MYO9B: variants seen among roughly 807,000 people sequenced by gnomAD.
MYO9B encodes unconventional myosin-IXb.
In MYO9B, 71 loss-of-function variants were observed where a neutral mutation model predicts 229.5. The observed-to-expected ratio is 0.31, with a 90% CI of 0.26 to 0.38. The LOEUF is 0.38. Among genes scored for constraint, MYO9B ranks in the 10% least tolerant of loss-of-function variants. MYO9B has a pLI of 1.00. For missense variants in MYO9B, 2,255 were observed against 2,920.5 expected (o/e 0.77, Z 5.25); for synonymous variants, 1,185 against 1,235.8 (o/e 0.96, Z 0.86).
rs749822478 is a variant in MYO9B at position 17,209,726 on chromosome 19, G to C, written c.5748+17G>C. ...CAAAATGCTGTGAGTACCGGTGATC[G>C]TGGGGGCGGGACCTCTTTGGTGGGG... On this transcript the variant is annotated intron_variant, in intron 36 of 39. Coordinates refer to ENST00000682292, the MANE Select transcript of MYO9B (RefSeq NM_004145.4). 8.7e-6 allele frequency: 14 copies of C among 1,612,928 alleles called. No homozygotes were observed. The East Asian group carries it at 3.1e-4, about 36-fold the overall frequency.
At chr19:17,084,207 A>C (rs541915900) in intron 1 of MYO9B, among the ~76,000 whole-genome samples, 1 of 152,036 alleles carries the variant, frequency 6.6e-6, no homozygotes, top group Admixed American at 6.5e-5. Context: ...GTATGTTGAC[A>C]CATGCCTGTG....
At position 17,118,067 on chromosome 19, in the gene MYO9B, T is replaced by C. The variant is rs141139949; in HGVS notation, c.840+15510T>C. 1.6e-4 allele frequency among the ~76,000 whole-genome samples: 25 copies of C among 152,150 alleles called. No individual in the cohort carries two copies. In the East Asian group the frequency reaches 4.6e-3, roughly 28 times the overall value. On this transcript the variant is annotated intron_variant, in intron 2 of 39. Transcript: ENST00000682292. ...GGCAACTGCTGGAGACATTTTTGGT[T>C]ATCATAGCTGGGGAGGGAGAGATGC...
chr19:17,153,553 G>A (rs1433024278), intron 4 of MYO9B, among the ~76,000 whole-genome samples: 4 of 151,372 alleles, frequency 2.6e-5, no homozygotes, highest in Non-Finnish European at 5.9e-5. Context: ...AAAATTAGCT[G>A]GGCATGGTGA....
chr19:17,170,050 T>C (rs1568283339), intron 11 of MYO9B, among the ~76,000 whole-genome samples: 1 of 151,792 alleles, frequency 6.6e-6, no homozygotes, highest in Non-Finnish European at 1.5e-5. Context: ...TTCACCATGT[T>C]GGCCAGGCTG....
chr19:17,143,688 C>T (rs530580139), intron 2 of MYO9B, among the ~76,000 whole-genome samples: 13 of 151,800 alleles, frequency 8.6e-5, no homozygotes, highest in African/African-American at 2.4e-4. Flanking sequence ...TTTGAGAGGC[C>T]GGGGCGGGCA....
chr19:17,112,473 G>A (rs890071311), intron 2 of MYO9B, among the ~76,000 whole-genome samples: 4 of 152,210 alleles, frequency 2.6e-5, no homozygotes, highest in Non-Finnish European at 4.4e-5. Context: ...CCCTGGACTC[G>A]GGCAGGAGCG....
intron 22 of MYO9B, among the ~76,000 whole-genome samples, chr19:17,196,400 A>G (rs2073044007): frequency 6.6e-6 from 1 of 151,992 alleles, no homozygotes. Context: ...TGGATAGAAG[A>G]TGGGTAGAAA....
chr19:17,206,250 C>T lies in MYO9B; in HGVS notation c.5260C>T (p.Pro1754Ser). ...RELRQALQTD[P>S]AAVKLENFPI... ...GACCCACCCCACCCACCCCACAGAC[C>T]CCGCAGCAGTCAAGCTGGAGAACTT... Residue 1754 changes from proline (P) to serine (S), a missense_variant and splice_region_variant, in exon 33 of 40, where the codon CCC becomes TCC. Around this residue, in one of 7 missense-constraint regions of MYO9B, gnomAD observed 416 missense variants for 605.5 expected, o/e 0.69. Transcript: ENST00000682292. 1 of 1,571,596 alleles carries T rather than the reference C, an allele frequency of 6.4e-7. No homozygotes were observed. The highest frequency in any genetic ancestry group is 8.6e-7 in the Non-Finnish European group (1 of 1,161,948).
intron 11 of MYO9B, among the ~76,000 whole-genome samples, chr19:17,171,484 T>A (rs2072724401): frequency 6.6e-6 from 1 of 152,120 alleles, no homozygotes; most frequent in African/African-American, 2.4e-5. Flanking sequence ...AGGCCCAGGA[T>A]TATTCTTAGG....
intron 1 of MYO9B, among the ~76,000 whole-genome samples, chr19:17,095,246 A>T (rs2057676395): frequency 6.6e-6 from 1 of 152,252 alleles, no homozygotes; most frequent in African/African-American, 2.4e-5. Context: ...AGAAAAAAAA[A>T]TTAAGTGTGC....
chr19:17,201,576 G>A (rs2073106476), intron 26 of MYO9B, among the ~76,000 whole-genome samples: 1 of 152,106 alleles, frequency 6.6e-6, no homozygotes, highest in Admixed American at 6.6e-5. Context: ...CTCATCTAGG[G>A]GGGATTCTGT....
chr19:17,122,222 G>A (rs906639975), intron 2 of MYO9B, among the ~76,000 whole-genome samples: 7 of 152,184 alleles, frequency 4.6e-5, no homozygotes, highest in African/African-American at 1.7e-4. Context: ...TGCAAAAGAT[G>A]CATTATTTCA....
At chr19:17,127,788 G>A (rs2072143532) in intron 2 of MYO9B, among the ~76,000 whole-genome samples, 1 of 152,222 alleles carries the variant, frequency 6.6e-6, no homozygotes, top group Non-Finnish European at 1.5e-5. Context: ...GTCTGTGACC[G>A]CTTTCCTGCC....
intron 2 of MYO9B, among the ~76,000 whole-genome samples, chr19:17,141,799 C>T (rs996981598): frequency 6.6e-6 from 1 of 152,166 alleles, no homozygotes; most frequent in Non-Finnish European, 1.5e-5. Context: ...CAGAGGGGAC[C>T]CCTGCACACT....
chr19:17,136,158 G>A (rs2072266939), intron 2 of MYO9B, among the ~76,000 whole-genome samples: 1 of 152,268 alleles, frequency 6.6e-6, no homozygotes, highest in Non-Finnish European at 1.5e-5. Flanking sequence ...CTGGGGAGGA[G>A]AGTCTGGTCG....
At chr19:17,103,160 A>G (rs1207429349) in intron 2 of MYO9B, 2 of 152,222 alleles carry the variant, frequency 1.3e-5, no homozygotes, top group East Asian at 1.9e-4. Context: ...AGTTGGAGCT[A>G]TGATTGCACT....
intron 3 of MYO9B, among the ~76,000 whole-genome samples, chr19:17,146,161 A>AGATG (rs56016892): frequency 0.061 from 6,088 of 100,604 alleles, 171 homozygotes; most frequent in South Asian, 0.14. Context: ...GTGGGTGGAT[A>AGATG]GATGGATGGA....
In MYO9B at chr19:17,194,564, A is replaced by C; in HGVS notation, c.3137A>C (p.Gln1046Pro). ...CTTTTTCCTCACTCCAGCTTCAGCCAGATGATCTCGGAGAAGCAGAAGGCA... is the reference window on the plus strand; with the variant it reads ...CTTTTTCCTCACTCCAGCTTCAGCCCGATGATCTCGGAGAAGCAGAAGGCA... ...RGHLQRKSFS[Q>P]MISEKQKAEE... Residue 1046 changes from glutamine to proline, a missense_variant, in exon 22 of 40, where the codon CAG becomes CCG. Physicochemically the swap from Gln to Pro is moderately conservative, Grantham distance 76. Coordinates refer to ENST00000682292, the MANE Select transcript of MYO9B (RefSeq NM_004145.4). The C allele has an allele frequency of 2.5e-6, 4 of 1,612,626 alleles. No homozygotes were observed. Among genetic ancestry groups the C allele is most frequent in the Non-Finnish European group, 3.4e-6 (4 of 1,179,808 alleles).
chr19:17,117,060 T>C (rs906458360), intron 2 of MYO9B, among the ~76,000 whole-genome samples: 2 of 152,150 alleles, frequency 1.3e-5, no homozygotes, highest in Non-Finnish European at 2.9e-5. Context: ...AGAAAGTTGA[T>C]TAAAAGCTGA....
Sources: allele counts gnomAD v4.1 joint callset (sites outside exome capture counted in the v4.1 genomes callset), GRCh38; gene constraint gnomAD v4.1.1; regional missense constraint gnomAD v4.1.1; transcripts MANE v1.5; gene names NCBI Gene and HGNC (gene_info 2026-07-23, HGNC 2026-07-21).